Variants in ZNF468 observed in about 807,000 individuals in gnomAD.
ZNF468 encodes zinc finger protein 468.
A neutral mutation model predicts 7.2 loss-of-function variants in ZNF468; 8 were observed. That is an observed-to-expected ratio of 1.11 (90% CI 0.65 to 2.01). The LOEUF is 2.01. ZNF468 is among the 30% of genes most tolerant of loss of function. ZNF468 has a pLI of 0.00. For missense variants in ZNF468, 608 were observed against 626.5 expected (o/e 0.97, Z 0.31); for synonymous variants, 218 against 214.4 (o/e 1.02, Z -0.15).
In ZNF468 at chr19:52,841,378, T is replaced by C. The variant is rs776784801; in HGVS notation, c.916A>G (p.Lys306Glu). ...EKPYECEECD[K>E]VFSRKSHLER... ...AGGTGTGATTTGCGACTGAAAACTTTGTCACATTCTTCACATTCATAAGGT... is the reference window on the plus strand; with the variant it reads ...AGGTGTGATTTGCGACTGAAAACTTCGTCACATTCTTCACATTCATAAGGT... The change falls in exon 4 of 4, where the codon AAA becomes GAA. Residue 306 changes from lysine to glutamate, a missense_variant. Coordinates refer to ENST00000595646, the MANE Select transcript of ZNF468 (RefSeq NM_001008801.2). 5 of 1,614,058 alleles carry C rather than the reference T, an allele frequency of 3.1e-6. No individual in the cohort carries two copies. Among genetic ancestry groups the C allele is most frequent in the Admixed American group, 3.3e-5 (2 of 60,000 alleles).
chr19:52,848,939 A>G, intron 3 of ZNF468, 148 bp downstream of exon 3: 2 of 1,380,716 alleles, frequency 1.4e-6, no homozygotes, highest in Admixed American at 2.3e-5. Flanking sequence ...GGGGACAGTG[A>G]AAGTCCAGAT....
At position 52,839,541 on chromosome 19, in the gene ZNF468, C is replaced by T; in HGVS notation, c.*1184G>A. On this transcript the variant is annotated 3_prime_UTR_variant, in exon 4 of 4. Transcript: ENST00000595646. ...GCTATACTCACTGCATTTGAAACAA[C>T]TGTCTCCAAAAGGAATTGTCTGATG... 1 of 499,326 alleles carries T rather than the reference C, an allele frequency of 2.0e-6. No homozygotes were observed. The highest frequency in any genetic ancestry group is 4.0e-6 in the Non-Finnish European group (1 of 248,650). 30.9% of individuals were successfully genotyped at this position (499,326 alleles called of 1,614,324 possible).
chr19:52,851,296 G>C (rs2063388082), intron 2 of ZNF468, among the ~76,000 whole-genome samples: 1 of 151,206 alleles, frequency 6.6e-6, no homozygotes, highest in African/African-American at 2.4e-5. Flanking sequence ...AAACAAAAAA[G>C]CTGGGTGAGG....
intron 2 of ZNF468, chr19:52,853,825 C>T: frequency 8.4e-7 from 1 of 1,191,134 alleles, no homozygotes; most frequent in Non-Finnish European, 1.0e-6. Context: ...GGTATAAAAT[C>T]AGGGAGAAAA....
chr19:52,856,045 T>G (rs1477019065), intron 1 of ZNF468, among the ~76,000 whole-genome samples: 1 of 152,228 alleles, frequency 6.6e-6, no homozygotes, highest in Non-Finnish European at 1.5e-5. Flanking sequence ...CATGCCTGGG[T>G]TAAAGAAAAT....
intron 3 of ZNF468, among the ~76,000 whole-genome samples, chr19:52,844,027 C>G (rs62117472): frequency 6.6e-6 from 1 of 151,940 alleles, no homozygotes; most frequent in Non-Finnish European, 1.5e-5. Context: ...GAATCTGAGG[C>G]AGGAAACATT....
chr19:52,847,393 T>C (rs1262709076), intron 3 of ZNF468, among the ~76,000 whole-genome samples: 6 of 148,592 alleles, frequency 4.0e-5, no homozygotes, highest in Non-Finnish European at 8.9e-5. Context: ...TTGTCCAAGT[T>C]TCCCCCCACT....
chr19:52,845,662 A>AAACT (rs545186766), intron 3 of ZNF468, among the ~76,000 whole-genome samples: 9 of 152,136 alleles, frequency 5.9e-5, no homozygotes, highest in South Asian at 4.1e-4. Context: ...CCATCTCAAA[A>AAACT]AACTAACTAA....
chr19:52,852,861 A>ATT (rs112697176), intron 2 of ZNF468, among the ~76,000 whole-genome samples: 13 of 147,252 alleles, frequency 8.8e-5, no homozygotes, highest in Non-Finnish European at 1.6e-4. Flanking sequence ...TTACAATGGA[A>ATT]TTTTTTTTTT....
intron 3 of ZNF468, among the ~76,000 whole-genome samples, chr19:52,845,679 AAC>A (rs1220513352): frequency 7.2e-5 from 11 of 151,790 alleles, no homozygotes; most frequent in Non-Finnish European, 1.5e-5. Context: ...CTAACTAACT[AAC>A]TAAATAAATA....
At chr19:52,856,581 T>G (rs958093476) in intron 1 of ZNF468, among the ~76,000 whole-genome samples, 2 of 147,728 alleles carry the variant, frequency 1.4e-5, no homozygotes, top group African/African-American at 4.9e-5. Flanking sequence ...GCTGTGCTTC[T>G]CCCTCTGTTC....
chr19:52,856,412 T>G lies in ZNF468; in HGVS notation c.-74+1160A>C, dbSNP rs535383733. On this transcript the variant is annotated intron_variant, in intron 1 of 3. Transcript: ENST00000595646. ...CCTTGCAACTTATTTAACCTCCTGT[T>G]GGTCCTTCTCCCCAATCTTTAGATC... Among the ~76,000 whole-genome samples the G allele has an allele frequency of 2.7e-5, 4 of 150,904 alleles. No homozygotes were observed. The South Asian group carries it at 8.4e-4, about 32-fold the overall frequency.
At chr19:52,842,354 T>G (rs1045772624) in intron 3 of ZNF468, among the ~76,000 whole-genome samples, 2 of 152,172 alleles carry the variant, frequency 1.3e-5, no homozygotes, top group African/African-American at 4.8e-5. Flanking sequence ...TATGGAAGCC[T>G]ATTTCCAATA....
chr19:52,843,045 C>T (rs889052097), intron 3 of ZNF468, among the ~76,000 whole-genome samples: 20 of 142,988 alleles, frequency 1.4e-4, no homozygotes, highest in East Asian at 6.3e-4. Context: ...CGCTTGAACT[C>T]GGGAGGCAAA....
At chr19:52,852,660 A>G (rs2063399792) in intron 2 of ZNF468, among the ~76,000 whole-genome samples, 1 of 151,828 alleles carries the variant, frequency 6.6e-6, no homozygotes, top group Non-Finnish European at 1.5e-5. Flanking sequence ...TGGGTGACAG[A>G]GTGAGACTCC....
At chr19:52,855,549 G>C (rs1242769733) in intron 1 of ZNF468, among the ~76,000 whole-genome samples, 7 of 152,242 alleles carry the variant, frequency 4.6e-5, no homozygotes, top group African/African-American at 1.4e-4. Flanking sequence ...TGGGGAACAC[G>C]GGAAGCAGGT....
chr19:52,854,196 T>TC, intron 2 of ZNF468, 62 bp downstream of exon 2: 1 of 1,612,190 alleles, frequency 6.2e-7, no homozygotes, highest in Non-Finnish European at 8.5e-7. Flanking sequence ...CATTCCCAAC[T>TC]CCAAGGCCCA....
chr19:52,852,153 G>A (rs972811198), intron 2 of ZNF468, among the ~76,000 whole-genome samples: 1 of 151,646 alleles, frequency 6.6e-6, no homozygotes, highest in African/African-American at 2.4e-5. Context: ...ATCACCTGAG[G>A]ACAGGAATTC....
At chr19:52,842,993 C>A (rs565203608) in intron 3 of ZNF468, among the ~76,000 whole-genome samples, 10 of 151,392 alleles carry the variant, frequency 6.6e-5, no homozygotes, top group African/African-American at 2.2e-4. Flanking sequence ...TGGTCACAGG[C>A]ACCTGTAATC....
Sources: gnomAD v4.1 joint callset for allele counts (sites outside exome capture counted in the v4.1 genomes callset) on GRCh38, gnomAD v4.1.1 for gene constraint, MANE v1.5 for transcripts, NCBI Gene and HGNC (gene_info 2026-07-23, HGNC 2026-07-21) for gene names.